ITGA4: variants seen among roughly 807,000 people sequenced by gnomAD.
ITGA4 encodes the protein integrin subunit alpha 4, also known as integrin alpha-4.
In ITGA4, 63 loss-of-function variants were observed where a neutral mutation model predicts 133.6. The observed-to-expected ratio is 0.47, with a 90% CI of 0.38 to 0.58. ITGA4 has a LOEUF of 0.58. Ranked by LOEUF, ITGA4 falls within the 20% of genes least tolerant of loss-of-function variation. ITGA4 has a pLI of 0.00. For missense variants in ITGA4, 1,076 were observed against 1,252.7 expected, an observed-to-expected ratio of 0.86 and a Z score of 2.13; for synonymous variants, 483 against 438.0, an observed-to-expected ratio of 1.10 and a Z score of -1.28.
intron 10 of ITGA4, among the ~76,000 whole-genome samples, chr2:181,488,896 A>G (rs1207633183): frequency 6.6e-6 from 1 of 152,108 alleles, no homozygotes; most frequent in African/African-American, 2.4e-5. Context: ...GCCCATGAGT[A>G]GGCGTTTTCT....
chr2:181,526,110 G>C (rs1686825877), intron 21 of ITGA4, among the ~76,000 whole-genome samples: 1 of 152,200 alleles, frequency 6.6e-6, no homozygotes, highest in Non-Finnish European at 1.5e-5. Context: ...TGATGGAATT[G>C]AGTATCAAGT....
At chr2:181,527,972 G>T (rs574152546) in intron 22 of ITGA4, among the ~76,000 whole-genome samples, 1 of 152,122 alleles carries the variant, frequency 6.6e-6, no homozygotes, top group African/African-American at 2.4e-5. Context: ...AACATTTTTT[G>T]CTGTCAAACT....
intron 2 of ITGA4, among the ~76,000 whole-genome samples, chr2:181,472,236 A>G (rs1422967509): frequency 6.6e-6 from 1 of 152,216 alleles, no homozygotes; most frequent in East Asian, 1.9e-4. Context: ...AAATTTACAA[A>G]ACAGTTCAGC....
intron 17 of ITGA4, 102 bp downstream of exon 17, chr2:181,511,877 A>G (rs1426235269): frequency 8.0e-6 from 5 of 625,816 alleles, no homozygotes; most frequent in African/African-American, 1.8e-5. Context: ...TAACCCTTGA[A>G]AATTAACAGC....
At chr2:181,515,451 T>A in intron 17 of ITGA4, among the ~76,000 whole-genome samples, 1 of 152,130 alleles carries the variant, frequency 6.6e-6, no homozygotes, top group Non-Finnish European at 1.5e-5. Flanking sequence ...TTTTTTAGTT[T>A]GGCCATAAAA....
intron 2 of ITGA4, among the ~76,000 whole-genome samples, chr2:181,466,187 A>C (rs1269908635): frequency 1.3e-5 from 2 of 152,120 alleles, no homozygotes; most frequent in African/African-American, 2.4e-5. Context: ...CTGAGGCCTC[A>C]TGATGACTCA....
At chr2:181,479,511 G>A (rs187866451) in intron 5 of ITGA4, 3 of 151,992 alleles carry the variant, frequency 2.0e-5, no homozygotes, top group African/African-American at 7.2e-5. Context: ...CTTTTTTTAA[G>A]TTTAGGATTG....
intron 1 of ITGA4, 120 bp from the exon 2 acceptor site, chr2:181,458,074 GGT>G: frequency 7.3e-7 from 1 of 1,367,540 alleles, no homozygotes; most frequent in Non-Finnish European, 1.0e-6. Context: ...TCGAGTCGGG[GGT>G]GGTGGGCGGA....
chr2:181,518,760 CCTCTA>C (rs1382268562), intron 17 of ITGA4, among the ~76,000 whole-genome samples: 8 of 151,938 alleles, frequency 5.3e-5, no homozygotes, highest in Non-Finnish European at 1.0e-4. Context: ...AGTTTACAGA[CCTCTA>C]CTCTATGATA....
Position 181,475,254 on chromosome 2 carries a change from A to G in ITGA4, c.522A>G (p.Thr174=), listed in dbSNP as rs758236635. ...ATGGAGTGCCCCCTGATTTACGAAC[A>G]GAACTGAGTAAAAGAATAGCTCCGT... is the stretch of plus-strand genomic sequence containing the variant. ...GCYGVPPDLR[T]ELSKRIAPCY... Residue 174 remains threonine, a synonymous_variant, in exon 4 of 28, where the codon ACA becomes ACG. Coordinates refer to ENST00000397033, the MANE Select transcript of ITGA4 (RefSeq NM_000885.6). 1.2e-6 allele frequency: 2 copies of G among 1,613,066 alleles called. No individual in the cohort carries two copies. The highest frequency in any genetic ancestry group is 1.1e-5 in the South Asian group (1 of 91,042).
rs1559065553 is a variant in ITGA4 at position 181,538,081 on chromosome 2, G to GAAACTGGT, written c.*2555_*2562dup. 2 of 775,946 alleles carry GAAACTGGT rather than the reference G, an allele frequency of 2.6e-6. No individual in the cohort carries two copies. The highest frequency in any genetic ancestry group is 3.9e-5 in the Admixed American group (2 of 51,904). The allele number at this position is 775,946 out of a possible 1,614,324, so 48.1% of individuals were successfully genotyped here. A position where few individuals can be genotyped will look rare whatever the true frequency, so the allele number is the denominator to read the frequency against. ...CATCCACGGAAAAATTGTCTTCCAT[G>GAAACTGGT]AAACTGGTCCCAAAAAGGGTGGGGA... On this transcript the variant is annotated 3_prime_UTR_variant, in exon 28 of 28. Transcript: ENST00000397033.
chr2:181,537,286 CTATA>C lies in ITGA4; in HGVS notation c.*1763_*1766del, dbSNP rs1559063321. 1 of 453,600 alleles carries C rather than the reference CTATA, an allele frequency of 2.2e-6. No homozygotes were observed. Among genetic ancestry groups the C allele is most frequent in the South Asian group, 1.6e-5 (1 of 64,468 alleles). The allele number at this position is 453,600 out of a possible 1,614,324, so 28.1% of individuals were successfully genotyped here. A position where few individuals can be genotyped will look rare whatever the true frequency, so the allele number is the denominator to read the frequency against. On this transcript the variant is annotated 3_prime_UTR_variant, in exon 28 of 28. Coordinates refer to ENST00000397033, the MANE Select transcript of ITGA4 (RefSeq NM_000885.6). ...CCTACTCAGAACTACTCAGAAACAA[CTATA>C]TATTTCAGGTTATCTGAGCACAGTG...
chr2:181,531,825 A>G, intron 25 of ITGA4, 49 bp downstream of exon 25: 1 of 1,427,094 alleles, frequency 7.0e-7, no homozygotes, highest in South Asian at 1.4e-5. Context: ...TTTACATAAA[A>G]TCTATAAATT....
In ITGA4 at chr2:181,537,946, G is replaced by T. The variant is rs933980816; in HGVS notation, c.*2419G>T. The T allele has an allele frequency of 1.6e-5, 10 of 621,048 alleles. No individual in the cohort carries two copies. In the African/African-American group the frequency reaches 1.8e-4, roughly 11 times the overall value. 38.5% of individuals were successfully genotyped at this position (621,048 alleles called of 1,614,324 possible). On this transcript the variant is annotated 3_prime_UTR_variant, in exon 28 of 28. Transcript: ENST00000397033. ...AGCAGCATTAGATTCTCATAGAAGTGCGAACCATATGGTGAACTGGTATGT... is the reference window on the plus strand; with the variant it reads ...AGCAGCATTAGATTCTCATAGAAGTTCGAACCATATGGTGAACTGGTATGT...
At chr2:181,471,969 A>AT (rs1329580109) in intron 2 of ITGA4, among the ~76,000 whole-genome samples, 1 of 152,136 alleles carries the variant, frequency 6.6e-6, no homozygotes, top group East Asian at 1.9e-4. Context: ...ACATCTTAAA[A>AT]TAGCCTAATG....
rs1039188917 is a variant in ITGA4 at position 181,469,507 on chromosome 2, C to T, written c.320-5453C>T. Among the ~76,000 whole-genome samples the T allele has an allele frequency of 3.3e-5, 5 of 152,090 alleles. No individual in the cohort carries two copies. In the South Asian group the frequency reaches 6.2e-4, roughly 19 times the overall value. Reference sequence around the variant, plus strand: ...TCAACCATTGTGGAAGACAGTGTGGCGATTCCTCAAGGATCTAGAACTAGA... The same window carrying T: ...TCAACCATTGTGGAAGACAGTGTGGTGATTCCTCAAGGATCTAGAACTAGA... On this transcript the variant is annotated intron_variant, in intron 2 of 27. Transcript: ENST00000397033.
At chr2:181,493,998 C>G (rs1413353149) in intron 11 of ITGA4, among the ~76,000 whole-genome samples, 2 of 152,084 alleles carry the variant, frequency 1.3e-5, no homozygotes, top group Non-Finnish European at 2.9e-5. Context: ...GAAATATTAG[C>G]TGGCACAGTT....
intron 15 of ITGA4, among the ~76,000 whole-genome samples, chr2:181,507,262 A>T (rs1004003144): frequency 1.3e-5 from 2 of 152,214 alleles, no homozygotes; most frequent in African/African-American, 4.8e-5. Flanking sequence ...GCTCTCTCAT[A>T]TCCTGAGATC....
At chr2:181,524,804 T>A (rs1686799021) in intron 20 of ITGA4, among the ~76,000 whole-genome samples, 1 of 152,170 alleles carries the variant, frequency 6.6e-6, no homozygotes, top group African/African-American at 2.4e-5. Flanking sequence ...ATATGATTGA[T>A]GTGCTTTCTT....
Sources: gnomAD v4.1 joint callset for allele counts (sites outside exome capture counted in the v4.1 genomes callset) on GRCh38, gnomAD v4.1.1 for gene constraint, MANE v1.5 for transcripts, NCBI Gene and HGNC (gene_info 2026-07-23, HGNC 2026-07-21) for gene names.